Variants in KCNJ6 observed in about 807,000 individuals in gnomAD.
The protein encoded by KCNJ6 is G protein-activated inward rectifier potassium channel 2.
KCNJ6 carries 9 observed loss-of-function variants against 34.2 expected under a neutral mutation model. The observed-to-expected ratio is 0.26, with a 90% CI of 0.16 to 0.46. The LOEUF (loss-of-function observed/expected upper bound fraction) is 0.46. Ranked by LOEUF, KCNJ6 falls within the 20% of genes least tolerant of loss-of-function variation. The pLI is 1.00. For synonymous variants in KCNJ6, 196 were observed against 207.1 expected, an observed-to-expected ratio of 0.95 and a Z score of 0.46; for missense variants, 236 against 531.3, an observed-to-expected ratio of 0.44 and a Z score of 5.46.
At chr21:37,733,767 G>A (rs185212646) in intron 2 of KCNJ6, among the ~76,000 whole-genome samples, 23 of 152,284 alleles carry the variant, frequency 1.5e-4, no homozygotes, top group African/African-American at 3.6e-4. Flanking sequence ...TGATGGGAGC[G>A]CAATGTCTCC....
At chr21:37,781,301 G>A (rs1488604224) in intron 2 of KCNJ6, among the ~76,000 whole-genome samples, 3 of 152,208 alleles carry the variant, frequency 2.0e-5, no homozygotes, top group African/African-American at 7.2e-5. Flanking sequence ...ATTTTCGTGT[G>A]CCAGCATAAT....
At chr21:37,807,540 G>A (rs145086148) in intron 2 of KCNJ6, among the ~76,000 whole-genome samples, 9 of 152,212 alleles carry the variant, frequency 5.9e-5, no homozygotes, top group East Asian at 5.8e-4. Flanking sequence ...CATTTTTATC[G>A]TCTTTTTTCT....
chr21:37,769,434 T>C (rs2055107309), intron 2 of KCNJ6, among the ~76,000 whole-genome samples: 2 of 149,720 alleles, frequency 1.3e-5, no homozygotes. Context: ...ATTATTATTA[T>C]TATTATTATT....
intron 3 of KCNJ6, among the ~76,000 whole-genome samples, chr21:37,667,587 G>T (rs2054521768): frequency 1.3e-5 from 2 of 149,004 alleles, no homozygotes; most frequent in Non-Finnish European, 1.5e-5. Context: ...GGGTGCTGGG[G>T]TAGCAGGAGC....
At chr21:37,808,847 C>T (rs1472251351) in intron 2 of KCNJ6, among the ~76,000 whole-genome samples, 6 of 152,168 alleles carry the variant, frequency 3.9e-5, no homozygotes, top group Admixed American at 2.6e-4. Flanking sequence ...TCTCTCTCTT[C>T]TTTGTTAGTC....
chr21:37,692,244 C>T (rs1411468255), intron 3 of KCNJ6, among the ~76,000 whole-genome samples: 3 of 152,066 alleles, frequency 2.0e-5, no homozygotes, highest in African/African-American at 7.2e-5. Context: ...AAACAAAAAA[C>T]GTAGAGTGGC....
intron 1 of KCNJ6, among the ~76,000 whole-genome samples, chr21:37,906,680 C>T (rs1373347468): frequency 2.0e-5 from 3 of 152,208 alleles, no homozygotes; most frequent in Non-Finnish European, 4.4e-5. Context: ...CACAGAGACC[C>T]CCAACAGTGG....
At chr21:37,828,690 G>A (rs1216708324) in intron 2 of KCNJ6, among the ~76,000 whole-genome samples, 1 of 152,216 alleles carries the variant, frequency 6.6e-6, no homozygotes, top group African/African-American at 2.4e-5. Flanking sequence ...GCTGCGCTCT[G>A]CGGAGTTTCA....
intron 2 of KCNJ6, among the ~76,000 whole-genome samples, chr21:37,769,412 T>TTTTTTATTATTA (rs1423182963): frequency 6.9e-6 from 1 of 145,328 alleles, no homozygotes; most frequent in African/African-American, 2.5e-5. Flanking sequence ...AGCCTTCAAT[T>TTTTTTATTATTA]TTATTATTAT....
chr21:37,734,997 C>T (rs1399770787), intron 2 of KCNJ6, among the ~76,000 whole-genome samples: 1 of 152,134 alleles, frequency 6.6e-6, no homozygotes, highest in Non-Finnish European at 1.5e-5. Context: ...GCCTTCTTCA[C>T]GATTCGCTCA....
rs1172415943 is a variant in KCNJ6, at chr21:37,618,837, A to G, written c.*6322T>C. ...AGTATTTTGCCTTCCTTTTCCTAGG[A>G]CTCTCTTATTGAATTAGGTGGATAC... On this transcript the variant is annotated 3_prime_UTR_variant, in exon 4 of 4. Transcript: ENST00000609713. 1 of 151,980 alleles carries G rather than the reference A, an allele frequency of 6.6e-6. No individual in the cohort carries two copies. Among genetic ancestry groups the G allele is most frequent in the Non-Finnish European group, 1.5e-5 (1 of 67,984 alleles). The allele number at this position is 151,980 out of a possible 1,614,324, so 9.4% of individuals were successfully genotyped here.
chr21:37,657,929 C>T (rs936650065), intron 3 of KCNJ6, among the ~76,000 whole-genome samples: 1 of 152,172 alleles, frequency 6.6e-6, no homozygotes, highest in Non-Finnish European at 1.5e-5. Context: ...AGTGGTGAGT[C>T]GGGATTTGAA....
chr21:37,883,525 G>A (rs960968058), intron 1 of KCNJ6, among the ~76,000 whole-genome samples: 2 of 152,206 alleles, frequency 1.3e-5, no homozygotes, highest in Non-Finnish European at 2.9e-5. Flanking sequence ...CAAGCACCTA[G>A]TGCCAGGTGG....
chr21:37,840,783 G>A, intron 1 of KCNJ6, 74 bp from the exon 2 acceptor site: 1 of 777,436 alleles, frequency 1.3e-6, no homozygotes, highest in African/African-American at 1.8e-5. Flanking sequence ...GCCATTTACA[G>A]CTATATCTCT....
intron 1 of KCNJ6, among the ~76,000 whole-genome samples, chr21:37,897,869 A>G (rs2055796942): frequency 6.6e-6 from 1 of 152,254 alleles, no homozygotes; most frequent in South Asian, 2.1e-4. Context: ...AAGTTGCCAC[A>G]GCACTTAAGA....
chr21:37,808,260 T>A (rs568759725), intron 2 of KCNJ6, among the ~76,000 whole-genome samples: 1 of 152,362 alleles, frequency 6.6e-6, no homozygotes, highest in East Asian at 1.9e-4. Flanking sequence ...AATCATAACA[T>A]TGTGCATGAT....
chr21:37,729,743 C>A (rs780172740), intron 2 of KCNJ6, among the ~76,000 whole-genome samples: 2 of 152,198 alleles, frequency 1.3e-5, no homozygotes, highest in African/African-American at 2.4e-5. Flanking sequence ...CAAAGATGCC[C>A]AGATGAGGGG....
At chr21:37,655,179 T>TGTGTGTGTG (rs1377937886) in intron 3 of KCNJ6, among the ~76,000 whole-genome samples, 6 of 23,992 alleles carry the variant, frequency 2.5e-4, no homozygotes, top group African/African-American at 8.4e-4. Flanking sequence ...CTCTAGACAT[T>TGTGTGTGTG]TGTGTGTGTG....
intron 3 of KCNJ6, among the ~76,000 whole-genome samples, chr21:37,661,933 G>A (rs1048966379): frequency 6.9e-6 from 1 of 145,470 alleles, no homozygotes; most frequent in Non-Finnish European, 1.5e-5. Flanking sequence ...CAGCCTAAGA[G>A]ACATAATTCT....
Sources: gnomAD v4.1 joint callset for allele counts (sites outside exome capture counted in the v4.1 genomes callset) on GRCh38, gnomAD v4.1.1 for gene constraint, MANE v1.5 for transcripts, NCBI Gene and HGNC (gene_info 2026-07-23, HGNC 2026-07-21) for gene names.